The following SCN7A variants were observed in gnomAD, a reference collection of about 807,000 sequenced individuals.
SCN7A encodes sodium voltage-gated channel alpha subunit 7.
Under a neutral mutation model 155.2 loss-of-function variants are expected in SCN7A, and 138 were observed. The ratio of observed to expected loss-of-function variants is 0.89; its 90% CI spans 0.77 to 1.02. The LOEUF (loss-of-function observed/expected upper bound fraction) is 1.02. Ranked by LOEUF, SCN7A falls within the 50% of genes least tolerant of loss-of-function variation. The probability of loss-of-function intolerance (pLI) is 0.00; values close to 1 mark genes in which losing one functional copy is unlikely to be tolerated. For missense variants in SCN7A, 2,058 were observed against 1,986.6 expected, an observed-to-expected ratio of 1.04 and a Z score of -0.68; for synonymous variants, 693 against 649.0, an observed-to-expected ratio of 1.07 and a Z score of -1.03.
intron 25 of SCN7A, among the ~76,000 whole-genome samples, 195 bp from the exon 26 acceptor site, chr2:166,406,841 A>T (rs1701087510): frequency 1.3e-5 from 2 of 152,040 alleles, no homozygotes; most frequent in African/African-American, 4.8e-5. Context: ...TATTGTATCA[A>T]TGCTCAGGGT....
chr2:166,458,326 CAAAAA>C (rs71395231), intron 10 of SCN7A, among the ~76,000 whole-genome samples: 1 of 97,954 alleles, frequency 1.0e-5, no homozygotes. Context: ...GACCATGTAT[CAAAAA>C]AAAAAAAAAA....
At position 166,418,109 on chromosome 2, in the gene SCN7A, T is replaced by A. The variant is rs992162064; in HGVS notation, c.3136-1124A>T. On this transcript the variant is annotated intron_variant, in intron 20 of 25. Transcript: ENST00000643258. ...CCACTACTTATTTTTCTCTTAGCTT[T>A]TTTATTTTTTTATTTATTTTATTTT... 7.3e-5 allele frequency among the ~76,000 whole-genome samples: 11 copies of A among 150,970 alleles called. No homozygotes were observed. The South Asian group carries it at 2.3e-3, about 32-fold the overall frequency.
intron 3 of SCN7A, 76 bp downstream of exon 3, chr2:166,477,387 A>G (rs1452965027): frequency 4.3e-6 from 4 of 926,440 alleles, no homozygotes; most frequent in African/African-American, 3.4e-5. Flanking sequence ...TTTGTATCCT[A>G]TCTCAATTAC....
chr2:166,457,927 G>A (rs1294359147), intron 10 of SCN7A, among the ~76,000 whole-genome samples: 1 of 152,148 alleles, frequency 6.6e-6, no homozygotes, highest in African/African-American at 2.4e-5. Context: ...TTGTGTGGAT[G>A]TAACAATCAA....
chr2:166,432,890 T>C (rs1341275256), intron 15 of SCN7A, 138 bp from the exon 16 acceptor site: 4 of 614,408 alleles, frequency 6.5e-6, no homozygotes, highest in African/African-American at 3.7e-5. Flanking sequence ...TATATTGTAA[T>C]TAATAACTGT....
rs1209036312 is a variant in SCN7A at position 166,413,064 on chromosome 2, T to G, written c.3468+4A>C. On this transcript the variant is annotated splice_donor_region_variant and intron_variant, in intron 22 of 25. Coordinates refer to ENST00000643258, the MANE Select transcript of SCN7A (RefSeq NM_002976.4). ...CAATGGCTTTAAAATGATATTATAC[T>G]TACAGCAACAGAATCAATTGCTGAA... 2.6e-6 allele frequency: 4 copies of G among 1,528,148 alleles called. No homozygotes were observed. The South Asian group carries it at 5.1e-5, about 19-fold the overall frequency. 94.7% of individuals were successfully genotyped at this position (1,528,148 alleles called of 1,614,324 possible). A position where few individuals can be genotyped will look rare whatever the true frequency, so the allele number is the denominator to read the frequency against.
chr2:166,404,824 G>GAAAAAA lies in SCN7A; in HGVS notation c.*750_*755dup, dbSNP rs35675449. ...AAATAGGTGTAAATGAGAAGAAAAT[G>GAAAAAA]AAAAAAAAAAAAAAAAAAAAGGCTA... On this transcript the variant is annotated 3_prime_UTR_variant, in exon 26 of 26. Coordinates refer to ENST00000643258, the MANE Select transcript of SCN7A (RefSeq NM_002976.4). 1.6e-4 allele frequency: 10 copies of GAAAAAA among 62,732 alleles called. No homozygotes were observed. Among genetic ancestry groups the GAAAAAA allele is most frequent in the Admixed American group, 4.1e-4 (2 of 4,824 alleles). The allele number at this position is 62,732 out of a possible 1,614,324, so 3.9% of individuals were successfully genotyped here.
chr2:166,462,288 G>T, intron 10 of SCN7A, 101 bp downstream of exon 10: 2 of 1,240,944 alleles, frequency 1.6e-6, no homozygotes, highest in Non-Finnish European at 2.2e-6. Context: ...CAATTCTTCT[G>T]CACATAAAAA....
At chr2:166,474,881 T>C (rs961782161) in intron 3 of SCN7A, among the ~76,000 whole-genome samples, 1 of 151,256 alleles carries the variant, frequency 6.6e-6, no homozygotes, top group African/African-American at 2.4e-5. Context: ...AAACCAGAAA[T>C]TTATATCATG....
intron 15 of SCN7A, chr2:166,436,523 G>A: frequency 4.1e-6 from 1 of 241,432 alleles, no homozygotes; most frequent in Non-Finnish European, 8.8e-6. Flanking sequence ...TCATGACAAT[G>A]GACTAATACA....
At chr2:166,465,678 T>G (rs1702514864) in intron 8 of SCN7A, 103 bp downstream of exon 8, 4 of 1,356,184 alleles carry the variant, frequency 2.9e-6, no homozygotes, top group Admixed American at 3.6e-5. Flanking sequence ...ACCAGCGCCT[T>G]TGGGAATCTA....
intron 9 of SCN7A, among the ~76,000 whole-genome samples, chr2:166,464,147 C>T (rs1440582789): frequency 7.0e-6 from 1 of 143,442 alleles, no homozygotes; most frequent in Non-Finnish European, 1.5e-5. Flanking sequence ...CGAATATATA[C>T]ACATATATAT....
In SCN7A at chr2:166,457,206, A is replaced by T. The variant is rs181534402; in HGVS notation, c.1084-130T>A. On this transcript the variant is annotated intron_variant, in intron 10 of 25. Coordinates refer to ENST00000643258, the MANE Select transcript of SCN7A (RefSeq NM_002976.4). ...GTCATAAATGGAATGTAATCATAAG[A>T]CTGTTTAAGCACTGGCTCCACCTGA... The T allele has an allele frequency of 1.3e-4, 91 of 675,606 alleles. No individual in the cohort carries two copies. The African/African-American group carries it at 1.6e-3, about 12-fold the overall frequency. 41.9% of individuals were successfully genotyped at this position (675,606 alleles called of 1,614,324 possible). A position where few individuals can be genotyped will look rare whatever the true frequency, so the allele number is the denominator to read the frequency against.
intron 21 of SCN7A, among the ~76,000 whole-genome samples, chr2:166,414,234 C>A (rs1363681363): frequency 0.038 from 2,143 of 55,846 alleles, 356 homozygotes; most frequent in Non-Finnish European, 0.045. Flanking sequence ...ATATATATAT[C>A]TATATATGTA....
chr2:166,405,860 A>G lies in SCN7A; in HGVS notation c.4769T>C (p.Val1590Ala), dbSNP rs1179703828. Residue 1590 changes from valine (V) to alanine (A), a missense_variant, in exon 26 of 26, where the codon GTG becomes GCG. Val to Ala is a moderately conservative substitution (Grantham distance 64). Transcript: ENST00000643258. The stretch of plus-strand genomic sequence containing the variant: ...TTCTGAAACAACTTTCTCCATCCTC[A>G]CATCTTGACCCATAACTCTCTTTGT... ...AFTKRVMGQDVRMEKVVSEIE... is the reference protein window; with the variant it reads ...AFTKRVMGQDARMEKVVSEIE... 1 of 1,613,110 alleles carries G rather than the reference A, an allele frequency of 6.2e-7. No individual in the cohort carries two copies. The highest frequency in any genetic ancestry group is 2.2e-5 in the East Asian group (1 of 44,834).
At chr2:166,413,571 T>C (rs761130347) in intron 21 of SCN7A, among the ~76,000 whole-genome samples, 5 of 152,070 alleles carry the variant, frequency 3.3e-5, no homozygotes, top group Non-Finnish European at 5.9e-5. Context: ...AATTATTACC[T>C]GTAGTGGTTA....
intron 17 of SCN7A, 76 bp downstream of exon 17, chr2:166,429,092 CT>C (rs757081618): frequency 5.8e-6 from 4 of 693,398 alleles, no homozygotes; most frequent in Non-Finnish European, 7.0e-6. Context: ...GACTGACATA[CT>C]GGATATGGAA....
chr2:166,432,611 G>A lies in SCN7A; in HGVS notation c.2299C>T (p.Leu767=). Residue 767 remains leucine (L), a synonymous_variant, in exon 16 of 26, where the codon CTA becomes TTA. Coordinates refer to ENST00000643258, the MANE Select transcript of SCN7A (RefSeq NM_002976.4). ...KGINYVLLKI[L]CKTQNVPKDT... ...TTTGGGACATTTTGTGTTTTGCATAGTATTTTAAGAAGCACATAGTTTATT... is the reference window on the plus strand; with the variant it reads ...TTTGGGACATTTTGTGTTTTGCATAATATTTTAAGAAGCACATAGTTTATT... 6.2e-7 allele frequency: 1 copy of A among 1,612,728 alleles called. No homozygotes were observed. Among genetic ancestry groups the A allele is most frequent in the Non-Finnish European group, 8.5e-7 (1 of 1,179,446 alleles).
chr2:166,428,646 A>T (rs546085448), intron 17 of SCN7A, among the ~76,000 whole-genome samples: 11 of 152,126 alleles, frequency 7.2e-5, no homozygotes, highest in African/African-American at 2.6e-4. Flanking sequence ...AAAACATTTT[A>T]TTTTGGAATT....
Sources: gnomAD v4.1 joint callset for allele counts (sites outside exome capture counted in the v4.1 genomes callset) on GRCh38, gnomAD v4.1.1 for gene constraint, MANE v1.5 for transcripts, NCBI Gene and HGNC (gene_info 2026-07-23, HGNC 2026-07-21) for gene names.